XKR6: variants seen among roughly 807,000 people sequenced by gnomAD.
XKR6 encodes the protein XK-related protein 6.
XKR6 carries 22 observed loss-of-function variants against 56.7 expected under a neutral mutation model. That is an observed-to-expected ratio of 0.39 (90% confidence interval 0.28 to 0.55). The LOEUF (loss-of-function observed/expected upper bound fraction) is 0.55, where lower values mean the gene tolerates loss of function less well. Among genes scored for constraint, XKR6 ranks in the 20% least tolerant of loss-of-function variants. The probability of loss-of-function intolerance (pLI) is 0.66; values close to 1 mark genes in which losing one functional copy is unlikely to be tolerated. For missense variants in XKR6, 852 were observed against 889.0 expected (o/e 0.96, Z 0.53); for synonymous variants, 524 against 387.8 (o/e 1.35, Z -4.13).
chr8:10,984,355 C>A (rs992205378), intron 1 of XKR6, among the ~76,000 whole-genome samples: 4 of 152,126 alleles, frequency 2.6e-5, no homozygotes, highest in Non-Finnish European at 5.9e-5. Flanking sequence ...AAAGGCTGTA[C>A]CACGCTTATT....
At chr8:11,153,481 A>AT (rs1276696392) in intron 1 of XKR6, among the ~76,000 whole-genome samples, 3 of 152,264 alleles carry the variant, frequency 2.0e-5, no homozygotes, top group Non-Finnish European at 4.4e-5. Context: ...TGATAAAGTC[A>AT]ATATAAAAGT....
intron 2 of XKR6, among the ~76,000 whole-genome samples, chr8:10,907,473 A>T (rs1006654590): frequency 6.6e-6 from 1 of 152,170 alleles, no homozygotes; most frequent in African/African-American, 2.4e-5. Flanking sequence ...ACATAACTCA[A>T]TTGTTATGTT....
At chr8:11,136,401 G>A (rs1207568950) in intron 1 of XKR6, among the ~76,000 whole-genome samples, 3 of 152,080 alleles carry the variant, frequency 2.0e-5, no homozygotes, top group Non-Finnish European at 4.4e-5. Flanking sequence ...CTACTCAGAA[G>A]GTTGAGGCAG....
At position 10,939,241 on chromosome 8, in the gene XKR6, G is replaced by A. The variant is rs553671875; in HGVS notation, c.765-14411C>T. ...ACCAGGCAAGAAGGAAGGAAGGAAGGGCAGGAAGAGCCCTGGCAGAGAAGA... is the reference window on the plus strand; with the variant it reads ...ACCAGGCAAGAAGGAAGGAAGGAAGAGCAGGAAGAGCCCTGGCAGAGAAGA... On this transcript the variant is annotated intron_variant, in intron 1 of 2. Coordinates refer to ENST00000416569, the MANE Select transcript of XKR6 (RefSeq NM_173683.4). 1.4e-3 allele frequency among the ~76,000 whole-genome samples: 207 copies of A among 152,292 alleles called. 1 individual carries two copies. The highest frequency in any genetic ancestry group is 4.7e-3 in the African/African-American group (197 of 41,564).
intron 1 of XKR6, among the ~76,000 whole-genome samples, chr8:10,979,679 G>A (rs538600928): frequency 3.4e-4 from 51 of 152,174 alleles, no homozygotes; most frequent in Non-Finnish European, 6.8e-4. Flanking sequence ...GTCCCTTGTG[G>A]ACAAGTCAGG....
intron 1 of XKR6, among the ~76,000 whole-genome samples, chr8:10,983,214 T>A (rs1019444190): frequency 6.6e-6 from 1 of 152,102 alleles, no homozygotes; most frequent in Non-Finnish European, 1.5e-5. Flanking sequence ...ATGTTTTAAA[T>A]GTAGAAGTGA....
chr8:11,180,383 G>A (rs978178073), intron 1 of XKR6, among the ~76,000 whole-genome samples: 1 of 152,136 alleles, frequency 6.6e-6, no homozygotes, highest in Non-Finnish European at 1.5e-5. Flanking sequence ...TTTGTGGTGA[G>A]AGCCTCTCCT....
Position 11,200,746 on chromosome 8 carries a change from C to T in XKR6, c.594G>A (p.Gly198=), listed in dbSNP as rs781533689. 3 of 1,595,442 alleles carry T rather than the reference C, an allele frequency of 1.9e-6. No individual in the cohort carries two copies. The highest frequency in any genetic ancestry group is 8.5e-7 in the Non-Finnish European group (1 of 1,173,380). The change falls in exon 1 of 3, where the codon GGG becomes GGA. Residue 198 remains glycine, a synonymous_variant. Transcript: ENST00000416569. The surrounding 1 kb of genome is among the most constrained non-coding windows in gnomAD (Gnocchi z 6.4). ...YTGGGLGAVE[G]LTSRGPPMMG... ...TCATGGGGGGGCCCCGGCTGGTGAG[C>T]CCCTCCACGGCGCCCAGCCCGCCGC...
At chr8:10,962,318 G>A (rs550682150) in intron 1 of XKR6, among the ~76,000 whole-genome samples, 10 of 152,204 alleles carry the variant, frequency 6.6e-5, no homozygotes, top group African/African-American at 9.6e-5. Context: ...GGACACCATC[G>A]TGCCACATTT....
chr8:10,988,475 C>T (rs1242680278), intron 1 of XKR6, among the ~76,000 whole-genome samples: 1 of 152,198 alleles, frequency 6.6e-6, no homozygotes, highest in Non-Finnish European at 1.5e-5. Flanking sequence ...ACACTACCTC[C>T]ATATGCAGGA....
intron 1 of XKR6, among the ~76,000 whole-genome samples, chr8:11,140,230 A>C (rs78145581): frequency 9.5e-4 from 145 of 152,320 alleles, no homozygotes; most frequent in African/African-American, 3.4e-3. Context: ...CTGACTATAA[A>C]AGCAACAATG....
intron 1 of XKR6, among the ~76,000 whole-genome samples, chr8:11,045,646 C>T (rs1459507866): frequency 6.6e-6 from 1 of 152,140 alleles, no homozygotes; most frequent in East Asian, 1.9e-4. Flanking sequence ...GCGGACAGCT[C>T]GGAGAAGATG....
At chr8:11,174,915 T>C (rs1415072322) in intron 1 of XKR6, 1 of 152,184 alleles carries the variant, frequency 6.6e-6, no homozygotes, top group South Asian at 2.1e-4. Context: ...TCCACAGTAA[T>C]TTAGAATTAC....
At chr8:11,062,259 C>G (rs966980762) in intron 1 of XKR6, among the ~76,000 whole-genome samples, 2 of 152,032 alleles carry the variant, frequency 1.3e-5, no homozygotes, top group African/African-American at 2.4e-5. Context: ...TGCCAAGAGG[C>G]CTGGGAGCCA....
At chr8:11,056,572 G>A (rs1007793914) in intron 1 of XKR6, among the ~76,000 whole-genome samples, 1 of 152,176 alleles carries the variant, frequency 6.6e-6, no homozygotes, top group Non-Finnish European at 1.5e-5. Flanking sequence ...AGGCACCTCT[G>A]GCTGTCTGAC....
chr8:11,003,666 G>A (rs1798297454), intron 1 of XKR6, among the ~76,000 whole-genome samples: 1 of 152,232 alleles, frequency 6.6e-6, no homozygotes, highest in Non-Finnish European at 1.5e-5. Context: ...CATGCAGCCT[G>A]CTCAAAGTCA....
chr8:11,070,813 C>G (rs1038559902), intron 1 of XKR6, among the ~76,000 whole-genome samples: 7 of 152,214 alleles, frequency 4.6e-5, no homozygotes, highest in African/African-American at 1.4e-4. Context: ...CCCAAGATCT[C>G]CCAGCTTACT....
intron 1 of XKR6, among the ~76,000 whole-genome samples, chr8:11,151,376 T>G (rs1801261156): frequency 6.6e-6 from 1 of 152,198 alleles, no homozygotes; most frequent in South Asian, 2.1e-4. Context: ...TACATTTACT[T>G]TGGAAAAGTT....
chr8:11,160,736 C>T (rs1246067687), intron 1 of XKR6, among the ~76,000 whole-genome samples: 2 of 151,732 alleles, frequency 1.3e-5, no homozygotes, highest in Non-Finnish European at 2.9e-5. Context: ...GCTGAAACCC[C>T]GTCTCTACTA....
Sources: allele counts gnomAD v4.1 joint callset (sites outside exome capture counted in the v4.1 genomes callset), GRCh38; gene constraint gnomAD v4.1.1; non-coding constraint Gnocchi (gnomAD v3.1); transcripts MANE v1.5; gene names NCBI Gene and HGNC (gene_info 2026-07-23, HGNC 2026-07-21).